The following TANGO6 variants were observed in gnomAD, a reference collection of about 807,000 sequenced individuals.
The protein encoded by TANGO6 is transport and golgi organization 6 homolog, also known as transport and Golgi organization protein 6 homolog.
Under a neutral mutation model 114.2 loss-of-function variants are expected in TANGO6, and 90 were observed. The ratio of observed to expected loss-of-function variants is 0.79; its 90% CI spans 0.66 to 0.94. TANGO6 has a LOEUF of 0.94. Among genes scored for constraint, TANGO6 ranks in the 40% least tolerant of loss-of-function variants. The pLI is 0.00. For synonymous variants in TANGO6, 477 were observed against 509.8 expected, an observed-to-expected ratio of 0.94 and a Z score of 0.87; for missense variants, 1,274 against 1,315.3, an observed-to-expected ratio of 0.97 and a Z score of 0.49.
chr16:68,845,970 A>G (rs1961796267), intron 1 of TANGO6, among the ~76,000 whole-genome samples: 1 of 151,948 alleles, frequency 6.6e-6, no homozygotes, highest in African/African-American at 2.4e-5. Context: ...CTCATGCCTC[A>G]GCCTCCCTTG....
intron 3 of TANGO6, among the ~76,000 whole-genome samples, chr16:68,863,942 A>G (rs891551295): frequency 6.6e-6 from 1 of 152,138 alleles, no homozygotes; most frequent in Non-Finnish European, 1.5e-5. Context: ...TGGGAGGCCA[A>G]GGTGGGTGGA....
chr16:68,989,941 T>C (rs1272320728), intron 15 of TANGO6, among the ~76,000 whole-genome samples: 1 of 152,206 alleles, frequency 6.6e-6, no homozygotes, highest in Non-Finnish European at 1.5e-5. Flanking sequence ...CCCACCTGAA[T>C]CTTTATCTTA....
intron 1 of TANGO6, among the ~76,000 whole-genome samples, chr16:68,844,032 C>T (rs983771635): frequency 2.6e-5 from 4 of 152,058 alleles, no homozygotes; most frequent in African/African-American, 9.7e-5. Flanking sequence ...GGATATGGAC[C>T]CAGCTCCAGA....
chr16:68,930,144 G>A (rs527879321), intron 13 of TANGO6, 94 bp from the exon 14 acceptor site: 10 of 1,073,786 alleles, frequency 9.3e-6, no homozygotes, highest in African/African-American at 3.2e-5. Context: ...AACAAGAAGC[G>A]AAGCATTTAC....
intron 14 of TANGO6, among the ~76,000 whole-genome samples, chr16:68,951,443 C>G (rs1228345006): frequency 2.0e-5 from 3 of 152,082 alleles, no homozygotes; most frequent in African/African-American, 7.2e-5. Flanking sequence ...TCTTCATCTC[C>G]CATTTTTCAG....
At chr16:68,874,853 G>A (rs940804584) in intron 4 of TANGO6, among the ~76,000 whole-genome samples, 11 of 152,060 alleles carry the variant, frequency 7.2e-5, no homozygotes, top group Admixed American at 2.0e-4. Flanking sequence ...GGGAGGTTGA[G>A]GCAAGAGAAT....
rs540953479 is a variant in TANGO6, at chr16:68,872,007, G to A, written c.995-3147G>A. 6.6e-5 allele frequency among the ~76,000 whole-genome samples: 10 copies of A among 152,114 alleles called. No individual in the cohort carries two copies. The East Asian group carries it at 1.2e-3, about 18-fold the overall frequency. The stretch of plus-strand genomic sequence containing the variant: ...AGCACTTTAGGAGGCCAACGTGGGC[G>A]GATCACGAGGTCAGGAGTTTGAGAC... On this transcript the variant is annotated intron_variant, in intron 4 of 17. Transcript: ENST00000261778.
chr16:68,917,330 A>G (rs1597018730), intron 11 of TANGO6, among the ~76,000 whole-genome samples: 1 of 152,262 alleles, frequency 6.6e-6, no homozygotes, highest in Non-Finnish European at 1.5e-5. Flanking sequence ...GTTACTTCCA[A>G]GTTTTAACAA....
intron 14 of TANGO6, among the ~76,000 whole-genome samples, chr16:68,942,953 G>A (rs977440024): frequency 2.7e-5 from 4 of 146,996 alleles, no homozygotes; most frequent in African/African-American, 1.0e-4. Flanking sequence ...AGGCTGAAGT[G>A]CAGTGGCACA....
intron 9 of TANGO6, among the ~76,000 whole-genome samples, chr16:68,904,556 A>T (rs1962824761): frequency 6.6e-6 from 1 of 152,220 alleles, no homozygotes; most frequent in Non-Finnish European, 1.5e-5. Flanking sequence ...ATGGGCTGCC[A>T]AATTAGTAAT....
At position 68,867,167 on chromosome 16, in the gene TANGO6, T is replaced by G; in HGVS notation, c.941T>G (p.Met314Arg). The G allele has an allele frequency of 6.2e-7, 1 of 1,613,914 alleles. No homozygotes were observed. Among genetic ancestry groups the G allele is most frequent in the Non-Finnish European group, 8.5e-7 (1 of 1,179,864 alleles). Reference sequence around the variant, plus strand: ...GGACAGCTGCTCTCTGAAAGGTTAATGAGACCTAATGGTGTTCAGGCAGTA... The same window carrying G: ...GGACAGCTGCTCTCTGAAAGGTTAAGGAGACCTAATGGTGTTCAGGCAGTA... ...LCGQLLSERL[M>R]RPNGVQAVVR... Residue 314 changes from methionine to arginine, a missense_variant, in exon 4 of 18, where the codon ATG (methionine) becomes AGG (arginine). Met to Arg is a moderately conservative substitution (Grantham distance 91). Transcript: ENST00000261778.
At chr16:68,906,968 AT>A (rs1567536819) in intron 9 of TANGO6, among the ~76,000 whole-genome samples, 2 of 151,154 alleles carry the variant, frequency 1.3e-5, no homozygotes, top group African/African-American at 2.4e-5. Flanking sequence ...TAATTTTTGT[AT>A]TTTTTAGTAG....
chr16:68,915,274 C>T (rs1033168106), intron 11 of TANGO6, among the ~76,000 whole-genome samples: 4 of 151,370 alleles, frequency 2.6e-5, no homozygotes, highest in Non-Finnish European at 4.4e-5. Flanking sequence ...TTTTTTGTTA[C>T]TGTTGTTAGA....
intron 11 of TANGO6, among the ~76,000 whole-genome samples, chr16:68,911,479 C>T (rs550156115): frequency 5.5e-5 from 8 of 146,262 alleles, no homozygotes; most frequent in South Asian, 4.3e-4. Context: ...TGCAGTGGTG[C>T]GATCTCGGCT....
chr16:69,031,406 A>G (rs1959590513), intron 16 of TANGO6, among the ~76,000 whole-genome samples: 1 of 151,970 alleles, frequency 6.6e-6, no homozygotes, highest in Non-Finnish European at 1.5e-5. Flanking sequence ...TGTTTCAATA[A>G]TAGTCATAGC....
intron 17 of TANGO6, among the ~76,000 whole-genome samples, chr16:69,041,880 C>G (rs1959779473): frequency 6.6e-6 from 1 of 152,172 alleles, no homozygotes; most frequent in South Asian, 2.1e-4. Flanking sequence ...ATCAACAGGA[C>G]CAACATTTCT....
intron 9 of TANGO6, 50 bp from the exon 10 acceptor site, chr16:68,907,393 A>G: frequency 1.3e-6 from 2 of 1,504,990 alleles, no homozygotes; most frequent in Non-Finnish European, 1.8e-6. Flanking sequence ...GTTTAAAATT[A>G]TGTGTATCTC....
At chr16:69,077,686 G>A (rs1335770095) in intron 17 of TANGO6, among the ~76,000 whole-genome samples, 12 of 151,940 alleles carry the variant, frequency 7.9e-5, no homozygotes, top group Admixed American at 1.3e-4. Context: ...AAAATTAGCC[G>A]GGCGTGGTGG....
intron 15 of TANGO6, among the ~76,000 whole-genome samples, chr16:69,003,100 C>T (rs765517679): frequency 1.3e-4 from 20 of 152,188 alleles, no homozygotes; most frequent in African/African-American, 1.9e-4. Flanking sequence ...GGACAAGCAG[C>T]TGACACCTCT....
Sources: allele counts gnomAD v4.1 joint callset (sites outside exome capture counted in the v4.1 genomes callset), GRCh38; gene constraint gnomAD v4.1.1; transcripts MANE v1.5; gene names NCBI Gene and HGNC (gene_info 2026-07-23, HGNC 2026-07-21).